The following ELMO1 variants were observed in gnomAD, a reference collection of about 807,000 sequenced individuals.
The protein encoded by ELMO1 is engulfment and cell motility protein 1.
A neutral mutation model predicts 98.9 loss-of-function variants in ELMO1; 26 were observed. The ratio of observed to expected loss-of-function variants is 0.26; its 90% CI spans 0.19 to 0.36. The LOEUF is 0.36. Among genes scored for constraint, ELMO1 ranks in the 10% least tolerant of loss-of-function variants. The pLI is 1.00. For synonymous variants in ELMO1, 346 were observed against 346.0 expected (o/e 1.00, Z 0.00); for missense variants, 627 against 935.2 (o/e 0.67, Z 4.30).
intron 7 of ELMO1, among the ~76,000 whole-genome samples, chr7:37,241,936 AT>A (rs1413081851): frequency 1.1e-4 from 17 of 152,132 alleles, no homozygotes; most frequent in African/African-American, 3.9e-4. Flanking sequence ...TTACCCACAT[AT>A]TTAGTTTCTG....
intron 9 of ELMO1, among the ~76,000 whole-genome samples, chr7:37,223,192 G>C (rs1793692282): frequency 6.6e-6 from 1 of 152,136 alleles, no homozygotes; most frequent in Non-Finnish European, 1.5e-5. Context: ...AAAAAGAACA[G>C]GTGTTTGTTT....
intron 16 of ELMO1, among the ~76,000 whole-genome samples, chr7:36,962,800 A>G (rs1789070172): frequency 6.7e-6 from 1 of 149,598 alleles, no homozygotes. Context: ...GCATCAATAA[A>G]CAAAGATCTT....
chr7:37,239,285 C>T (rs184074787), intron 7 of ELMO1, among the ~76,000 whole-genome samples: 34 of 152,202 alleles, frequency 2.2e-4, no homozygotes, highest in African/African-American at 7.9e-4. Context: ...CTGCCTCAGT[C>T]TCTCAAGTAG....
At chr7:36,981,272 C>G (rs541625022) in intron 16 of ELMO1, among the ~76,000 whole-genome samples, 87 of 151,280 alleles carry the variant, frequency 5.8e-4, no homozygotes, top group Non-Finnish European at 1.2e-3. Flanking sequence ...CATTAGGAGA[C>G]TAAGACTAGA....
intron 1 of ELMO1, among the ~76,000 whole-genome samples, chr7:37,416,470 C>CCTAT (rs1804218824): frequency 1.3e-5 from 2 of 152,184 alleles, no homozygotes; most frequent in African/African-American, 4.8e-5. Flanking sequence ...CCAGAAAGGA[C>CCTAT]CTATGGCCAC....
chr7:37,356,987 GC>G (rs200972805), intron 1 of ELMO1, among the ~76,000 whole-genome samples: 1 of 152,092 alleles, frequency 6.6e-6, no homozygotes, highest in Non-Finnish European at 1.5e-5. Flanking sequence ...GAGGAGTCCT[GC>G]CCTATATCCA....
At position 37,119,176 on chromosome 7, in the gene ELMO1, T is replaced by A. The variant is rs567637649; in HGVS notation, c.1191+13954A>T. Among the ~76,000 whole-genome samples, 5 of 152,340 alleles carry A rather than the reference T, an allele frequency of 3.3e-5. 1 individual carries two copies. In the South Asian group the frequency reaches 1.0e-3, roughly 32 times the overall value. On this transcript the variant is annotated intron_variant, in intron 14 of 21. Transcript: ENST00000310758. ...CATGTGATTGCTGTGATCATTGATG[T>A]TTAGCTCCCTGACTGGAAAGGCTGA...
At chr7:37,057,996 T>C (rs938848139) in intron 15 of ELMO1, among the ~76,000 whole-genome samples, 2 of 152,216 alleles carry the variant, frequency 1.3e-5, no homozygotes, top group African/African-American at 4.8e-5. Flanking sequence ...AGGACTTGGT[T>C]ACAGAAAAAG....
intron 16 of ELMO1, among the ~76,000 whole-genome samples, chr7:36,934,828 G>C (rs1375035696): frequency 6.6e-6 from 1 of 152,194 alleles, no homozygotes; most frequent in East Asian, 1.9e-4. Flanking sequence ...TTCAACTCCA[G>C]GTTACAGCCA....
At chr7:36,980,217 T>C (rs1790926958) in intron 16 of ELMO1, among the ~76,000 whole-genome samples, 2 of 152,206 alleles carry the variant, frequency 1.3e-5, no homozygotes, top group Non-Finnish European at 2.9e-5. Context: ...ATGCTTCTTT[T>C]CAAAGTCTTG....
intron 4 of ELMO1, among the ~76,000 whole-genome samples, chr7:37,310,771 C>A (rs373042986): frequency 1.3e-5 from 2 of 152,138 alleles, no homozygotes; most frequent in African/African-American, 4.8e-5. Flanking sequence ...TGGGTTCAGA[C>A]CCACCTGGGT....
chr7:36,919,504 G>T, intron 16 of ELMO1: 1 of 437,492 alleles, frequency 2.3e-6, no homozygotes, highest in Non-Finnish European at 5.0e-6. Context: ...TCTCACTTAT[G>T]GGCTAAGTCT....
At chr7:37,113,772 G>A (rs999251301) in intron 14 of ELMO1, among the ~76,000 whole-genome samples, 5 of 152,204 alleles carry the variant, frequency 3.3e-5, no homozygotes, top group Non-Finnish European at 5.9e-5. Flanking sequence ...TCCGAATCCA[G>A]TATGATTGGT....
intron 13 of ELMO1, among the ~76,000 whole-genome samples, chr7:37,151,614 G>A (rs190437248): frequency 2.9e-4 from 44 of 152,166 alleles, no homozygotes; most frequent in African/African-American, 9.9e-4. Context: ...CTAAACAGAC[G>A]CATTCGGCCC....
intron 15 of ELMO1, among the ~76,000 whole-genome samples, chr7:37,022,570 T>C (rs1228795601): frequency 2.6e-5 from 4 of 152,148 alleles, no homozygotes; most frequent in South Asian, 4.1e-4. Context: ...AAATAAAAGA[T>C]GGAAAACATG....
chr7:37,068,492 T>C (rs996503078), intron 15 of ELMO1, among the ~76,000 whole-genome samples: 3 of 152,308 alleles, frequency 2.0e-5, no homozygotes, highest in African/African-American at 7.2e-5. Context: ...TTGCACTTGC[T>C]AGTATAACTA....
At chr7:36,916,742 T>G (rs541173383) in intron 16 of ELMO1, among the ~76,000 whole-genome samples, 1 of 152,348 alleles carries the variant, frequency 6.6e-6, no homozygotes, top group South Asian at 2.1e-4. Flanking sequence ...ACACTGCCTA[T>G]CAAACACTTG....
intron 8 of ELMO1, among the ~76,000 whole-genome samples, chr7:37,229,847 A>T (rs1794073022): frequency 6.6e-6 from 1 of 152,302 alleles, no homozygotes. Flanking sequence ...AAAAATACTT[A>T]ATTTTTTATT....
At position 36,913,530 on chromosome 7, in the gene ELMO1, A is replaced by G. The variant is rs114334423; in HGVS notation, c.1438-18513T>C. On this transcript the variant is annotated intron_variant, in intron 16 of 21. Coordinates refer to ENST00000310758, the MANE Select transcript of ELMO1 (RefSeq NM_014800.11). Reference sequence around the variant, plus strand: ...ACAGTGGAAGATCAAGTGTGTGTTCAACATTCTTACTGTCCTTACAGTAGA... The same window carrying G: ...ACAGTGGAAGATCAAGTGTGTGTTCGACATTCTTACTGTCCTTACAGTAGA... 9.1e-3 allele frequency among the ~76,000 whole-genome samples: 1,389 copies of G among 152,340 alleles called. 18 individuals carry two copies. The highest frequency in any genetic ancestry group is 0.031 in the African/African-American group (1,301 of 41,570).
Sources: allele counts gnomAD v4.1 joint callset (sites outside exome capture counted in the v4.1 genomes callset), GRCh38; gene constraint gnomAD v4.1.1; transcripts MANE v1.5; gene names NCBI Gene and HGNC (gene_info 2026-07-23, HGNC 2026-07-21).